Variants in SIK3 observed in about 807,000 individuals in gnomAD.
The protein encoded by SIK3 is SIK family kinase 3, also known as serine/threonine-protein kinase SIK3.
Under a neutral mutation model 144.2 loss-of-function variants are expected in SIK3, and 28 were observed. The ratio of observed to expected loss-of-function variants is 0.19; its 90% CI spans 0.14 to 0.27. The LOEUF is 0.27. Ranked by LOEUF, SIK3 falls within the 10% of genes least tolerant of loss-of-function variation. The pLI is 1.00. For synonymous variants in SIK3, 686 were observed against 676.3 expected (o/e 1.01, Z -0.22); for missense variants, 1,319 against 1,776.0 (o/e 0.74, Z 4.62).
chr11:116,894,832 C>T (rs1347729587), intron 6 of SIK3, among the ~76,000 whole-genome samples: 1 of 152,184 alleles, frequency 6.6e-6, no homozygotes, highest in Non-Finnish European at 1.5e-5. Context: ...GGGAACCAGC[C>T]ACCAACATCT....
chr11:116,954,031 T>C lies in SIK3; in HGVS notation c.454+13A>G. On this transcript the variant is annotated intron_variant, in intron 3 of 24. Coordinates refer to ENST00000445177, the MANE Select transcript of SIK3 (RefSeq NM_001366686.3). Reference sequence around the variant, plus strand: ...CTCAATAGCTGTTTAAAGAATGCAATAAATGTACTTACCAAATATTTCCCC... The same window carrying C: ...CTCAATAGCTGTTTAAAGAATGCAACAAATGTACTTACCAAATATTTCCCC... The C allele has an allele frequency of 6.2e-7, 1 of 1,611,228 alleles. No individual in the cohort carries two copies. The highest frequency in any genetic ancestry group is 1.7e-5 in the Admixed American group (1 of 59,982).
intron 3 of SIK3, among the ~76,000 whole-genome samples, chr11:116,935,000 G>A (rs1200732062): frequency 6.6e-6 from 1 of 152,054 alleles, no homozygotes; most frequent in Non-Finnish European, 1.5e-5. Flanking sequence ...CAGGAGAATC[G>A]CTTGAACCTG....
chr11:117,079,258 C>T (rs959500959), intron 1 of SIK3, among the ~76,000 whole-genome samples: 3 of 152,154 alleles, frequency 2.0e-5, no homozygotes, highest in East Asian at 1.9e-4. Flanking sequence ...CAAGAAAAGA[C>T]AGCACACTCA....
intron 1 of SIK3, among the ~76,000 whole-genome samples, chr11:117,077,458 C>A (rs190539823): frequency 1.3e-5 from 2 of 152,330 alleles, no homozygotes; most frequent in East Asian, 3.9e-4. Flanking sequence ...TGGGAAATCT[C>A]TTCCATGAAA....
At chr11:116,998,499 AC>A (rs1950746425) in intron 1 of SIK3, among the ~76,000 whole-genome samples, 1 of 150,830 alleles carries the variant, frequency 6.6e-6, no homozygotes, top group Non-Finnish European at 1.5e-5. Flanking sequence ...AAAATTGACA[AC>A]CGCTCTTGGA....
intron 1 of SIK3, among the ~76,000 whole-genome samples, chr11:117,043,738 AT>A (rs1952842387): frequency 6.6e-6 from 1 of 152,158 alleles, no homozygotes; most frequent in Admixed American, 6.5e-5. Flanking sequence ...TCCAAATCTA[AT>A]TTATCTTTTC....
intron 1 of SIK3, among the ~76,000 whole-genome samples, chr11:116,972,243 AG>A (rs1565514464): frequency 6.6e-6 from 1 of 152,220 alleles, no homozygotes; most frequent in African/African-American, 2.4e-5. Flanking sequence ...TGAATGGCAG[AG>A]GCAGGAATCG....
chr11:116,865,926 A>G (rs1208521196), intron 15 of SIK3, among the ~76,000 whole-genome samples: 1 of 152,160 alleles, frequency 6.6e-6, no homozygotes, highest in Non-Finnish European at 1.5e-5. Context: ...CATCTTATGC[A>G]ATTTGCCACT....
intron 1 of SIK3, among the ~76,000 whole-genome samples, chr11:116,992,322 C>A (rs550685454): frequency 6.8e-6 from 1 of 146,122 alleles, no homozygotes; most frequent in East Asian, 2.0e-4. Flanking sequence ...AAGACCCCCC[C>A]CCCCAAAAAA....
chr11:117,065,365 A>C (rs6589590), intron 1 of SIK3, among the ~76,000 whole-genome samples: 69,172 of 151,742 alleles, frequency 0.46, 19,135 homozygotes, highest in Non-Finnish European at 0.64. Context: ...AAAGTCCATT[A>C]GTCTATTAGA....
intron 1 of SIK3, among the ~76,000 whole-genome samples, chr11:116,959,167 T>TA (rs768780428): frequency 3.3e-5 from 5 of 152,058 alleles, no homozygotes; most frequent in East Asian, 3.9e-4. Context: ...CCATCTCTAC[T>TA]AAAAAACTTT....
At chr11:116,933,697 G>C (rs1565468919) in intron 3 of SIK3, among the ~76,000 whole-genome samples, 1 of 152,072 alleles carries the variant, frequency 6.6e-6, no homozygotes, top group Non-Finnish European at 1.5e-5. Flanking sequence ...TTGGAGTGCA[G>C]TGGCCCAATC....
chr11:117,042,585 G>C (rs1046657029), intron 1 of SIK3, among the ~76,000 whole-genome samples: 6 of 152,168 alleles, frequency 3.9e-5, no homozygotes, highest in Admixed American at 3.9e-4. Context: ...TTATTTTCCA[G>C]GAGTCTTTCC....
At chr11:116,848,522 A>G (rs570933438) in intron 22 of SIK3, among the ~76,000 whole-genome samples, 1 of 152,344 alleles carries the variant, frequency 6.6e-6, no homozygotes, top group South Asian at 2.1e-4. Flanking sequence ...CCCTGATCTG[A>G]GTAAGCTCAA....
chr11:116,965,784 A>ATATAT (rs1949521535), intron 1 of SIK3, among the ~76,000 whole-genome samples: 3 of 85,316 alleles, frequency 3.5e-5, no homozygotes, highest in African/African-American at 1.6e-4. Flanking sequence ...TATATATATA[A>ATATAT]ATTAGCCAAA....
At chr11:117,040,610 T>G (rs1313045844) in intron 1 of SIK3, among the ~76,000 whole-genome samples, 1 of 152,154 alleles carries the variant, frequency 6.6e-6, no homozygotes, top group Admixed American at 6.5e-5. Flanking sequence ...AAAGGTGCAC[T>G]TGAGCCAGAC....
At chr11:116,908,215 C>A (rs867746992) in intron 4 of SIK3, among the ~76,000 whole-genome samples, 15 of 152,268 alleles carry the variant, frequency 9.9e-5, no homozygotes, top group South Asian at 8.3e-4. Context: ...GTGGCTTACT[C>A]CTGTAATCCC....
chr11:116,922,907 C>CTTTTTTTTTTTT (rs202058609), intron 4 of SIK3, among the ~76,000 whole-genome samples: 72 of 102,174 alleles, frequency 7.0e-4, no homozygotes, highest in Non-Finnish European at 1.1e-3. Flanking sequence ...TTTCTTTTCT[C>CTTTTTTTTTTTT]TTTTTTTTTT....
intron 1 of SIK3, among the ~76,000 whole-genome samples, chr11:117,042,541 A>G (rs1952791377): frequency 6.6e-6 from 1 of 152,220 alleles, no homozygotes; most frequent in Non-Finnish European, 1.5e-5. Flanking sequence ...AATAAAAACA[A>G]TGAGGATAAA....
Sources: allele counts gnomAD v4.1 joint callset (sites outside exome capture counted in the v4.1 genomes callset), GRCh38; gene constraint gnomAD v4.1.1; transcripts MANE v1.5; gene names NCBI Gene and HGNC (gene_info 2026-07-23, HGNC 2026-07-21).